Variants in CASD1 observed in about 807,000 individuals in gnomAD.
The protein encoded by CASD1 is N-acetylneuraminate (7)9-O-acetyltransferase.
Under a neutral mutation model 100.0 loss-of-function variants are expected in CASD1, and 41 were observed. The ratio of observed to expected loss-of-function variants is 0.41; its 90% CI spans 0.32 to 0.53. The LOEUF is 0.53. Among genes scored for constraint, CASD1 ranks in the 20% least tolerant of loss-of-function variants. The pLI, the probability that CASD1 is intolerant of heterozygous loss-of-function variation, is 0.25. For missense variants in CASD1, 774 were observed against 948.7 expected (o/e 0.82, Z 2.42); for synonymous variants, 321 against 315.6 (o/e 1.02, Z -0.18).
the CASD1 span, chr7:94,603,498 A>C: frequency 6.5e-7 from 1 of 1,548,052 alleles, no homozygotes; most frequent in Non-Finnish European, 8.9e-7. Context: ...GAAAATTGAA[A>C]ACACTAAAAA....
intron 5 of CASD1, among the ~76,000 whole-genome samples, chr7:94,531,694 C>G (rs1465118502): frequency 3.3e-5 from 5 of 152,050 alleles, no homozygotes; most frequent in Non-Finnish European, 5.9e-5. Flanking sequence ...TAGTATTTTA[C>G]AGTAAGCATG....
At chr7:94,580,579 A>G in the CASD1 span, among the ~76,000 whole-genome samples, 4 of 152,346 alleles carry the variant, frequency 2.6e-5, no homozygotes, top group African/African-American at 7.2e-5. Context: ...AAGTCAGGAT[A>G]TAACTTTCCT....
chr7:94,561,756 A>G (rs1796343087), downstream of CASD1, among the ~76,000 whole-genome samples: 1 of 151,978 alleles, frequency 6.6e-6, no homozygotes, highest in Admixed American at 6.6e-5. Context: ...GGGTGGCTGA[A>G]CTCCAGTCAT....
intron 1 of CASD1, among the ~76,000 whole-genome samples, chr7:94,514,035 G>A (rs976417455): frequency 6.6e-6 from 1 of 152,040 alleles, no homozygotes; most frequent in Non-Finnish European, 1.5e-5. Flanking sequence ...AATATCTGTA[G>A]CCTTAAGGAT....
chr7:94,570,697 G>A, the CASD1 span, among the ~76,000 whole-genome samples: 4 of 152,096 alleles, frequency 2.6e-5, no homozygotes, highest in Non-Finnish European at 1.5e-5. Flanking sequence ...GTTTCACCAT[G>A]TTGGCCAGGC....
the CASD1 span, chr7:94,625,369 ATC>A: frequency 6.6e-6 from 1 of 151,774 alleles, no homozygotes; most frequent in Non-Finnish European, 1.5e-5. Context: ...TCTTTTTTTT[ATC>A]TTTTTACTAT....
At chr7:94,587,179 A>C in the CASD1 span, 175 of 985,172 alleles carry the variant, frequency 1.8e-4, no homozygotes, top group African/African-American at 3.0e-3. Context: ...TTAGGCATAA[A>C]TTGTCCTTGT....
intron 12 of CASD1, among the ~76,000 whole-genome samples, chr7:94,546,865 G>A (rs1795705891): frequency 6.6e-6 from 1 of 151,776 alleles, no homozygotes; most frequent in South Asian, 2.1e-4. Context: ...TGAACAGCAG[G>A]TGTACAGGGT....
In CASD1 at chr7:94,535,366, T is replaced by C; in HGVS notation, c.686T>C (p.Ile229Thr). Residue 229 changes from isoleucine (I) to threonine (T), a missense_variant, in exon 8 of 18, where the codon ATA (isoleucine) becomes ACA (threonine). Ile to Thr is a moderately conservative substitution (Grantham distance 89). Transcript: ENST00000297273. ...ENRKMITNEK[I>T]DAYNEAAVSI... The stretch of plus-strand genomic sequence containing the variant: ...AGGAAGATGATCACTAATGAGAAGA[T>C]AGATGCTTACAATGAAGCTGCAGTC... 1 of 1,613,522 alleles carries C rather than the reference T, an allele frequency of 6.2e-7. No individual in the cohort carries two copies. The highest frequency in any genetic ancestry group is 8.5e-7 in the Non-Finnish European group (1 of 1,179,664).
chr7:94,610,635 T>C, the CASD1 span, among the ~76,000 whole-genome samples: 2 of 151,940 alleles, frequency 1.3e-5, no homozygotes, highest in Admixed American at 1.3e-4. Context: ...GCTCCAGCAG[T>C]AACAGAAAAA....
chr7:94,574,807 A>T, the CASD1 span, among the ~76,000 whole-genome samples: 1 of 152,056 alleles, frequency 6.6e-6, no homozygotes, highest in Non-Finnish European at 1.5e-5. Flanking sequence ...CGCCTCTACT[A>T]AAAATACAAA....
At chr7:94,606,325 C>T in the CASD1 span, among the ~76,000 whole-genome samples, 2 of 152,130 alleles carry the variant, frequency 1.3e-5, no homozygotes, top group African/African-American at 4.8e-5. Flanking sequence ...GCAGGAGGAG[C>T]TATATTAATT....
At chr7:94,630,038 C>A in the CASD1 span, 1 of 574,756 alleles carries the variant, frequency 1.7e-6, no homozygotes. Flanking sequence ...GGAAAAAATT[C>A]TTTTGATTTG....
At chr7:94,584,758 G>A in the CASD1 span, among the ~76,000 whole-genome samples, 20,272 of 152,038 alleles carry the variant, frequency 0.13, 4,440 homozygotes, top group African/African-American at 0.46. Context: ...TTACTGCAAG[G>A]TACTCTGGGG....
chr7:94,552,499 A>G (rs1298867421), intron 16 of CASD1, 72 bp downstream of exon 16: 7 of 1,146,702 alleles, frequency 6.1e-6, no homozygotes, highest in Non-Finnish European at 8.9e-6. Flanking sequence ...AGGCAGAGAG[A>G]TTTGAGATTG....
At chr7:94,514,208 A>T (rs1252908651) in intron 1 of CASD1, among the ~76,000 whole-genome samples, 4 of 152,174 alleles carry the variant, frequency 2.6e-5, no homozygotes, top group Admixed American at 6.5e-5. Flanking sequence ...AAGCTTCAGA[A>T]ATTAGAGCAA....
chr7:94,571,300 C>T, the CASD1 span, among the ~76,000 whole-genome samples: 1 of 152,142 alleles, frequency 6.6e-6, no homozygotes, highest in African/African-American at 2.4e-5. Context: ...GCTTCAGCCT[C>T]CCAAAGTACT....
the CASD1 span, among the ~76,000 whole-genome samples, chr7:94,581,072 A>C: frequency 6.6e-6 from 1 of 152,186 alleles, no homozygotes; most frequent in Non-Finnish European, 1.5e-5. Context: ...TCAAAGGCCA[A>C]TTTTTAAATA....
At position 94,550,791 on chromosome 7, in the gene CASD1, C is replaced by T. The variant is rs534894819; in HGVS notation, c.1816-547C>T. Reference sequence around the variant, plus strand: ...CTGGGGATTAACATGATTCAACTTACGATTTTGAGTGGAAGGAAATGTTCA... The same window carrying T: ...CTGGGGATTAACATGATTCAACTTATGATTTTGAGTGGAAGGAAATGTTCA... On this transcript the variant is annotated intron_variant, in intron 14 of 17. Transcript: ENST00000297273. Among the ~76,000 whole-genome samples the T allele has an allele frequency of 9.2e-5, 14 of 152,112 alleles. No homozygotes were observed. The South Asian group carries it at 1.2e-3, about 14-fold the overall frequency.
Sources: gnomAD v4.1 joint callset for allele counts (sites outside exome capture counted in the v4.1 genomes callset) on GRCh38, gnomAD v4.1.1 for gene constraint, MANE v1.5 for transcripts, NCBI Gene and HGNC (gene_info 2026-07-23, HGNC 2026-07-21) for gene names.